SGCZ: variants seen among roughly 807,000 people sequenced by gnomAD.
SGCZ encodes the protein sarcoglycan zeta, also known as zeta-sarcoglycan.
Under a neutral mutation model 41.3 loss-of-function variants are expected in SGCZ, and 40 were observed. The ratio of observed to expected loss-of-function variants is 0.97; its 90% CI spans 0.75 to 1.26. The LOEUF is 1.26. Among genes scored for constraint, SGCZ ranks in the 50% most tolerant of loss-of-function variants. The probability of loss-of-function intolerance (pLI) is 0.00; values close to 1 mark genes in which losing one functional copy is unlikely to be tolerated. For missense variants in SGCZ, 552 were observed against 369.8 expected (o/e 1.49, Z -4.04); for synonymous variants, 206 against 137.5 (o/e 1.50, Z -3.49).
intron 1 of SGCZ, among the ~76,000 whole-genome samples, chr8:14,930,825 G>C (rs1799903716): frequency 6.6e-6 from 1 of 151,866 alleles, no homozygotes; most frequent in Non-Finnish European, 1.5e-5. Context: ...ACCAGGGCTT[G>C]TCAGAGGGGT....
At chr8:14,796,629 C>T (rs554443056) in intron 1 of SGCZ, among the ~76,000 whole-genome samples, 2 of 152,244 alleles carry the variant, frequency 1.3e-5, no homozygotes, top group African/African-American at 4.8e-5. Flanking sequence ...CCACTCAGCC[C>T]TCCTGACACT....
chr8:14,207,916 T>G (rs1473575214), intron 4 of SGCZ, among the ~76,000 whole-genome samples: 1 of 152,148 alleles, frequency 6.6e-6, no homozygotes, highest in Non-Finnish European at 1.5e-5. Flanking sequence ...CTGGTGGTTG[T>G]GATGAGCATG....
At chr8:15,110,328 T>C (rs1806999725) in intron 1 of SGCZ, among the ~76,000 whole-genome samples, 1 of 152,218 alleles carries the variant, frequency 6.6e-6, no homozygotes. Flanking sequence ...CATTCGGCTC[T>C]AGAGACTTTA....
rs962593902 is a variant in SGCZ at position 14,088,822 on chromosome 8, C to A, written c.*1621G>T. Among the ~76,000 whole-genome samples, 8 of 151,856 alleles carry A rather than the reference C, an allele frequency of 5.3e-5. No individual in the cohort carries two copies. Among genetic ancestry groups the A allele is most frequent in the Admixed American group, 3.3e-4 (5 of 15,214 alleles). ...CTTGCATTGCCAATATTTCTACTTT[C>A]ACTAACCACATCTTTTGCAACAAGT... On this transcript the variant is annotated 3_prime_UTR_variant, in exon 8 of 8. Transcript: ENST00000382080.
chr8:14,765,672 T>G (rs1800014735), intron 1 of SGCZ, among the ~76,000 whole-genome samples: 1 of 152,150 alleles, frequency 6.6e-6, no homozygotes, highest in Non-Finnish European at 1.5e-5. Context: ...AAAATTACAA[T>G]TATTTAAATA....
intron 4 of SGCZ, among the ~76,000 whole-genome samples, chr8:14,209,586 G>A (rs1409842441): frequency 4.6e-5 from 7 of 151,994 alleles, no homozygotes; most frequent in East Asian, 1.9e-4. Context: ...TTATGTTTTC[G>A]AAGAATATTT....
At chr8:14,439,846 T>G (rs1563330231) in intron 2 of SGCZ, among the ~76,000 whole-genome samples, 2 of 152,046 alleles carry the variant, frequency 1.3e-5, no homozygotes, top group Non-Finnish European at 2.9e-5. Context: ...CTTTCTCATC[T>G]TTTGGGCCTC....
chr8:14,340,519 A>T (rs549824990), intron 2 of SGCZ, among the ~76,000 whole-genome samples: 1 of 152,294 alleles, frequency 6.6e-6, no homozygotes, highest in East Asian at 1.9e-4. Context: ...GGGAAGAGAT[A>T]ATGTCTTCCT....
At chr8:14,587,398 G>A (rs1805094990) in intron 1 of SGCZ, among the ~76,000 whole-genome samples, 1 of 151,390 alleles carries the variant, frequency 6.6e-6, no homozygotes, top group Non-Finnish European at 1.5e-5. Flanking sequence ...AAGTTTGGGT[G>A]TTGTGGCTCA....
intron 1 of SGCZ, among the ~76,000 whole-genome samples, chr8:15,036,719 T>C (rs1168407102): frequency 1.1e-4 from 17 of 151,992 alleles, no homozygotes; most frequent in Admixed American, 1.1e-3. Flanking sequence ...AGGAAATGCT[T>C]CCAAACTTAT....
intron 1 of SGCZ, among the ~76,000 whole-genome samples, chr8:15,119,331 G>C (rs1217906070): frequency 2.0e-5 from 3 of 151,912 alleles, no homozygotes; most frequent in Non-Finnish European, 4.4e-5. Context: ...AGCAATTTGA[G>C]GCCATCCTAG....
At chr8:14,735,030 C>G (rs765745797) in intron 1 of SGCZ, among the ~76,000 whole-genome samples, 9 of 152,064 alleles carry the variant, frequency 5.9e-5, no homozygotes, top group Non-Finnish European at 8.8e-5. Context: ...ACAGTTTATT[C>G]AAATAAGTAT....
intron 2 of SGCZ, among the ~76,000 whole-genome samples, chr8:14,494,863 A>T (rs1326607025): frequency 1.3e-5 from 2 of 152,212 alleles, no homozygotes; most frequent in Non-Finnish European, 2.9e-5. Context: ...ACTTCAGAGC[A>T]TTAATATTAG....
At chr8:14,797,039 A>T (rs529825055) in intron 1 of SGCZ, among the ~76,000 whole-genome samples, 37 of 152,274 alleles carry the variant, frequency 2.4e-4, no homozygotes, top group African/African-American at 8.4e-4. Flanking sequence ...AGTCTCAGGT[A>T]TTTCTTCATA....
chr8:15,006,611 A>G (rs943830413), intron 1 of SGCZ, among the ~76,000 whole-genome samples: 7 of 152,206 alleles, frequency 4.6e-5, no homozygotes, highest in Non-Finnish European at 1.0e-4. Flanking sequence ...GTTAAGAGTT[A>G]ATAAATTTAC....
intron 1 of SGCZ, among the ~76,000 whole-genome samples, chr8:15,182,808 C>G (rs1450973138): frequency 6.6e-6 from 1 of 152,100 alleles, no homozygotes; most frequent in Non-Finnish European, 1.5e-5. Flanking sequence ...TTTACTTTAT[C>G]AAGGTTATAA....
chr8:14,287,502 G>C (rs1053310546), intron 3 of SGCZ, among the ~76,000 whole-genome samples: 1 of 151,910 alleles, frequency 6.6e-6, no homozygotes, highest in Non-Finnish European at 1.5e-5. Flanking sequence ...AATGAGTTTG[G>C]TCTCTAACTC....
intron 5 of SGCZ, among the ~76,000 whole-genome samples, chr8:14,113,854 G>A (rs1326207465): frequency 1.3e-5 from 2 of 151,978 alleles, no homozygotes; most frequent in African/African-American, 4.8e-5. Context: ...TTACATTTCA[G>A]TGACAAGACA....
At chr8:14,364,119 T>C (rs1419586431) in intron 2 of SGCZ, among the ~76,000 whole-genome samples, 8 of 152,316 alleles carry the variant, frequency 5.3e-5, no homozygotes, top group African/African-American at 1.7e-4. Context: ...GTGTAGTTTA[T>C]TTTGTGTATA....
Sources: allele counts gnomAD v4.1 joint callset (sites outside exome capture counted in the v4.1 genomes callset), GRCh38; gene constraint gnomAD v4.1.1; transcripts MANE v1.5; gene names NCBI Gene and HGNC (gene_info 2026-07-23, HGNC 2026-07-21).